The following RNGTT variants were observed in gnomAD, a reference collection of about 807,000 sequenced individuals.
RNGTT encodes mRNA-capping enzyme.
In RNGTT, 33 loss-of-function variants were observed where a neutral mutation model predicts 79.3. That is an observed-to-expected ratio of 0.42 (90% CI 0.32 to 0.56). The LOEUF is 0.56. Among genes scored for constraint, RNGTT ranks in the 20% least tolerant of loss-of-function variants. RNGTT has a pLI of 0.17. For missense variants in RNGTT, 497 were observed against 739.1 expected (o/e 0.67, Z 3.80); for synonymous variants, 222 against 235.9 (o/e 0.94, Z 0.54).
At chr6:88,730,404 G>A (rs1033040159) in intron 13 of RNGTT, among the ~76,000 whole-genome samples, 5 of 152,090 alleles carry the variant, frequency 3.3e-5, no homozygotes, top group Admixed American at 1.3e-4. Flanking sequence ...CAGCAGCAGG[G>A]GCCACATGAG....
At chr6:88,719,436 T>C (rs933361182) in intron 13 of RNGTT, among the ~76,000 whole-genome samples, 3 of 152,230 alleles carry the variant, frequency 2.0e-5, no homozygotes, top group African/African-American at 7.2e-5. Context: ...TGTATTCAAC[T>C]GGTTACTGAG....
intron 4 of RNGTT, among the ~76,000 whole-genome samples, chr6:88,918,216 G>A (rs943204353): frequency 6.6e-6 from 1 of 152,046 alleles, no homozygotes; most frequent in African/African-American, 2.4e-5. Flanking sequence ...CCAGCTACTC[G>A]GGAGGTTGAG....
chr6:88,904,916 T>G lies in RNGTT; in HGVS notation c.483A>C (p.Pro161=). The part of the protein sequence containing the change: ...AAVATFAQAR[P]PGIYKGDYLK... ...AATAATCACCCTTGTAGATTCCTGG[T>G]GGTCTGGCTTGGGCAAAAGTAGCAA... The change falls in exon 6 of 16, where the codon CCA becomes CCC. Residue 161 remains proline (P), a synonymous_variant. Coordinates refer to ENST00000369485, the MANE Select transcript of RNGTT (RefSeq NM_003800.5). The G allele has an allele frequency of 6.2e-7, 1 of 1,614,076 alleles. No individual in the cohort carries two copies. The highest frequency in any genetic ancestry group is 8.5e-7 in the Non-Finnish European group (1 of 1,180,006).
chr6:88,651,807 T>A (rs1445600214), intron 14 of RNGTT, among the ~76,000 whole-genome samples: 1 of 152,080 alleles, frequency 6.6e-6, no homozygotes, highest in Admixed American at 6.5e-5. Flanking sequence ...TACTGGCTAA[T>A]AACACTTAGA....
intron 13 of RNGTT, among the ~76,000 whole-genome samples, chr6:88,721,537 A>G (rs1364630652): frequency 6.6e-6 from 1 of 151,940 alleles, no homozygotes; most frequent in Non-Finnish European, 1.5e-5. Flanking sequence ...ACACTCTACA[A>G]TGTCCTTAAC....
chr6:88,707,416 G>T (rs1776163927), intron 13 of RNGTT, among the ~76,000 whole-genome samples: 1 of 151,904 alleles, frequency 6.6e-6, no homozygotes, highest in South Asian at 2.1e-4. Context: ...GGGTGGGGCG[G>T]GGGAGGGAGT....
chr6:88,683,235 A>T (rs1047838889), intron 13 of RNGTT, among the ~76,000 whole-genome samples: 1 of 152,142 alleles, frequency 6.6e-6, no homozygotes, highest in Non-Finnish European at 1.5e-5. Flanking sequence ...AATGAGGCTG[A>T]CAAAGAAAAC....
intron 4 of RNGTT, among the ~76,000 whole-genome samples, chr6:88,914,552 C>T (rs1366379640): frequency 1.3e-5 from 2 of 151,934 alleles, no homozygotes; most frequent in Admixed American, 6.6e-5. Flanking sequence ...GCTCCCTATT[C>T]GATAAAGTGT....
chr6:88,728,299 C>G (rs1776989002), intron 13 of RNGTT, among the ~76,000 whole-genome samples: 1 of 152,244 alleles, frequency 6.6e-6, no homozygotes, highest in Admixed American at 6.5e-5. Flanking sequence ...AGACAGCTCT[C>G]TACTTCAGAA....
intron 11 of RNGTT, among the ~76,000 whole-genome samples, chr6:88,817,673 A>G (rs953128741): frequency 6.8e-6 from 1 of 146,188 alleles, no homozygotes; most frequent in African/African-American, 2.6e-5. Flanking sequence ...CTATTCCTTC[A>G]CGTACTTTGC....
At chr6:88,721,403 C>G (rs1776706341) in intron 13 of RNGTT, among the ~76,000 whole-genome samples, 2 of 152,020 alleles carry the variant, frequency 1.3e-5, no homozygotes, top group Non-Finnish European at 2.9e-5. Flanking sequence ...CAACTAACCA[C>G]TAAATCTAAT....
intron 13 of RNGTT, among the ~76,000 whole-genome samples, chr6:88,706,225 T>C (rs1776125219): frequency 6.6e-6 from 1 of 152,094 alleles, no homozygotes; most frequent in African/African-American, 2.4e-5. Flanking sequence ...ATCAATGCAT[T>C]GAAGTGCTTT....
chr6:88,802,622 T>C (rs956101664), intron 11 of RNGTT, among the ~76,000 whole-genome samples: 2 of 152,114 alleles, frequency 1.3e-5, no homozygotes, highest in African/African-American at 4.8e-5. Flanking sequence ...AAAAAGCAGT[T>C]TAATGGACTT....
intron 1 of RNGTT, among the ~76,000 whole-genome samples, chr6:88,961,322 T>C (rs895465527): frequency 1.3e-5 from 2 of 152,146 alleles, no homozygotes; most frequent in African/African-American, 4.8e-5. Flanking sequence ...TTTACGTCTG[T>C]ATGTGTGTGT....
chr6:88,621,750 G>A (rs1049458576), intron 14 of RNGTT, among the ~76,000 whole-genome samples: 1 of 151,932 alleles, frequency 6.6e-6, no homozygotes, highest in Middle Eastern at 3.4e-3. Flanking sequence ...AACCAAAATG[G>A]AGTCACTTAT....
intron 11 of RNGTT, among the ~76,000 whole-genome samples, chr6:88,836,531 C>T (rs1041486486): frequency 6.6e-6 from 1 of 152,020 alleles, no homozygotes; most frequent in African/African-American, 2.4e-5. Flanking sequence ...TGCTTGAGCT[C>T]GGGAGTTCAA....
Position 88,784,459 on chromosome 6 carries a change from A to G in RNGTT, c.1339-14585T>C, listed in dbSNP as rs141696097. 2.2e-3 allele frequency among the ~76,000 whole-genome samples: 339 copies of G among 152,296 alleles called. 1 individual carries two copies. Among genetic ancestry groups the G allele is most frequent in the African/African-American group, 7.7e-3 (321 of 41,580 alleles). ...CAACCAGGCTTCCTCAAGGAAGCAC[A>G]TCTAACTTGATAGTTGAAGGATAAA... On this transcript the variant is annotated intron_variant, in intron 12 of 15. Coordinates refer to ENST00000369485, the MANE Select transcript of RNGTT (RefSeq NM_003800.5).
At chr6:88,924,603 G>A (rs1784261061) in intron 4 of RNGTT, among the ~76,000 whole-genome samples, 1 of 152,096 alleles carries the variant, frequency 6.6e-6, no homozygotes, top group Admixed American at 6.6e-5. Flanking sequence ...TGGGATTACA[G>A]GCATGTGCCA....
chr6:88,732,045 A>T (rs1777133550), intron 13 of RNGTT, among the ~76,000 whole-genome samples: 1 of 152,132 alleles, frequency 6.6e-6, no homozygotes. Flanking sequence ...AAGTAGGCTG[A>T]GGAGATGGAA....
Sources: gnomAD v4.1 joint callset for allele counts (sites outside exome capture counted in the v4.1 genomes callset) on GRCh38, gnomAD v4.1.1 for gene constraint, MANE v1.5 for transcripts, NCBI Gene and HGNC (gene_info 2026-07-23, HGNC 2026-07-21) for gene names.